The following DPYD variants were observed in gnomAD, a reference collection of about 807,000 sequenced individuals.
DPYD encodes the protein dihydropyrimidine dehydrogenase [NADP(+)].
Under a neutral mutation model 116.2 loss-of-function variants are expected in DPYD, and 109 were observed. The ratio of observed to expected loss-of-function variants is 0.94; its 90% confidence interval spans 0.80 to 1.10. DPYD has a LOEUF of 1.10. DPYD is among the 50% of genes least tolerant of loss of function. The pLI is 0.00. For missense variants in DPYD, 1,302 were observed against 1,254.5 expected (o/e 1.04, Z -0.57); for synonymous variants, 440 against 432.0 (o/e 1.02, Z -0.23).
rs138704267 is a variant in DPYD at position 97,634,665 on chromosome 1, G to A, written c.851-39499C>T. On this transcript the variant is annotated intron_variant, in intron 8 of 22. Transcript: ENST00000370192. ...GAAGATACAAAATATAACAACAGAT[G>A]TCTTATAAGCACCAAAGAATAAAAT... Among the ~76,000 whole-genome samples the A allele has an allele frequency of 3.5e-3, 530 of 152,078 alleles. 1 individual carries two copies. The highest frequency in any genetic ancestry group is 5.3e-3 in the Non-Finnish European group (360 of 67,976).
intron 8 of DPYD, among the ~76,000 whole-genome samples, chr1:97,621,858 T>C (rs1656650771): frequency 6.6e-6 from 1 of 151,804 alleles, no homozygotes; most frequent in African/African-American, 2.4e-5. Flanking sequence ...CACGCACAGA[T>C]GTAGATATAT....
chr1:97,790,135 T>C (rs1003972691), intron 3 of DPYD, among the ~76,000 whole-genome samples: 1 of 152,044 alleles, frequency 6.6e-6, no homozygotes, highest in African/African-American at 2.4e-5. Flanking sequence ...CCTCAAGAAA[T>C]CATCTGGAAT....
At chr1:97,484,114 G>A (rs1570810949) in intron 13 of DPYD, among the ~76,000 whole-genome samples, 1 of 152,278 alleles carries the variant, frequency 6.6e-6, no homozygotes, top group East Asian at 1.9e-4. Flanking sequence ...AGACCAGCCT[G>A]GCCAACATGG....
At chr1:97,505,704 A>G (rs1235757293) in intron 13 of DPYD, among the ~76,000 whole-genome samples, 1 of 151,920 alleles carries the variant, frequency 6.6e-6, no homozygotes, top group Non-Finnish European at 1.5e-5. Flanking sequence ...AATAGTATAT[A>G]TAAAAGGACA....
At chr1:97,460,963 G>A (rs1408811700) in intron 13 of DPYD, among the ~76,000 whole-genome samples, 16 of 151,844 alleles carry the variant, frequency 1.1e-4, no homozygotes, top group Admixed American at 1.1e-3. Context: ...CTTGAACCCG[G>A]GGGGTGGAGG....
intron 4 of DPYD, among the ~76,000 whole-genome samples, chr1:97,729,062 A>G (rs1257544193): frequency 6.6e-6 from 1 of 152,100 alleles, no homozygotes; most frequent in Non-Finnish European, 1.5e-5. Flanking sequence ...AATATGATTC[A>G]TTTTTAGAAC....
chr1:97,197,515 A>T (rs530435148), intron 19 of DPYD, among the ~76,000 whole-genome samples: 2 of 152,266 alleles, frequency 1.3e-5, no homozygotes, highest in Admixed American at 6.5e-5. Context: ...CTAGAAATAC[A>T]CTGCAAGGGA....
At chr1:97,323,544 T>TGTAC (rs1668505654) in intron 16 of DPYD, among the ~76,000 whole-genome samples, 1 of 113,622 alleles carries the variant, frequency 8.8e-6, no homozygotes, top group Non-Finnish European at 1.9e-5. Flanking sequence ...ACATATCATA[T>TGTAC]ATATACATAT....
At chr1:97,542,662 T>C (rs1335226614) in intron 12 of DPYD, among the ~76,000 whole-genome samples, 2 of 152,188 alleles carry the variant, frequency 1.3e-5, no homozygotes, top group Admixed American at 6.6e-5. Flanking sequence ...GTGTTAAGTA[T>C]GCTATATTGG....
chr1:97,537,736 T>C (rs767042324), intron 12 of DPYD, among the ~76,000 whole-genome samples: 1 of 152,222 alleles, frequency 6.6e-6, no homozygotes, highest in Non-Finnish European at 1.5e-5. Flanking sequence ...TGTTCAGTCA[T>C]ATGTCCAAAT....
intron 8 of DPYD, among the ~76,000 whole-genome samples, chr1:97,666,241 C>T (rs534097277): frequency 5.9e-5 from 9 of 152,078 alleles, no homozygotes; most frequent in African/African-American, 9.7e-5. Context: ...GGCACAATCA[C>T]GGCTCATTGC....
At chr1:97,636,422 C>A (rs1294101479) in intron 8 of DPYD, among the ~76,000 whole-genome samples, 1 of 151,986 alleles carries the variant, frequency 6.6e-6, no homozygotes, top group East Asian at 1.9e-4. Flanking sequence ...TTACCCTGGG[C>A]AAGTCACCCG....
intron 3 of DPYD, among the ~76,000 whole-genome samples, chr1:97,780,180 C>A (rs755357566): frequency 4.6e-5 from 7 of 152,112 alleles, no homozygotes; most frequent in Non-Finnish European, 1.0e-4. Context: ...CCTTTGTGTT[C>A]TTTTCGAATT....
At chr1:97,243,868 A>G (rs1016664435) in intron 18 of DPYD, among the ~76,000 whole-genome samples, 7 of 151,938 alleles carry the variant, frequency 4.6e-5, no homozygotes, top group Non-Finnish European at 8.8e-5. Flanking sequence ...AAAGTATCCC[A>G]GTTCAGATGA....
rs554526719 is a variant in DPYD at position 97,408,955 on chromosome 1, G to T, written c.1906-26494C>A. Among the ~76,000 whole-genome samples, 6 of 152,218 alleles carry T rather than the reference G, an allele frequency of 3.9e-5. No homozygotes were observed. In the South Asian group the frequency reaches 1.0e-3, roughly 26 times the overall value. ...TTGGGCCTTCATCCACAGACTGAAG[G>T]CTGCACTGTCAGCTTCCCTACTTTT... On this transcript the variant is annotated intron_variant, in intron 14 of 22. Transcript: ENST00000370192.
rs145955111 is a variant in DPYD at position 97,237,052 on chromosome 1, C to G, written c.2300-2058G>C. On this transcript the variant is annotated intron_variant, in intron 18 of 22. Coordinates refer to ENST00000370192, the MANE Select transcript of DPYD (RefSeq NM_000110.4). ...GCCAACAGTTTGAGACCAGCCTGGC[C>G]AACATGGTAAAACCCCGTGTCTACA... 1.4e-4 allele frequency among the ~76,000 whole-genome samples: 21 copies of G among 151,876 alleles called. No individual in the cohort carries two copies. The East Asian group carries it at 4.1e-3, about 29-fold the overall frequency.
chr1:97,156,925 T>C (rs1344218574), intron 20 of DPYD, among the ~76,000 whole-genome samples: 1 of 151,820 alleles, frequency 6.6e-6, no homozygotes, highest in Non-Finnish European at 1.5e-5. Flanking sequence ...CACCATGGAA[T>C]ACTATGCAGC....
chr1:97,274,469 A>G (rs1368752451), intron 18 of DPYD, among the ~76,000 whole-genome samples: 11 of 152,270 alleles, frequency 7.2e-5, no homozygotes, highest in African/African-American at 2.6e-4. Flanking sequence ...GGTCCTCACT[A>G]GAAGCAGATG....
intron 13 of DPYD, among the ~76,000 whole-genome samples, chr1:97,486,387 G>A (rs1429561092): frequency 6.6e-6 from 1 of 152,102 alleles, no homozygotes; most frequent in Non-Finnish European, 1.5e-5. Flanking sequence ...TTTTGTTGTT[G>A]TTGAAAGTTG....
Sources: gnomAD v4.1 joint callset for allele counts (sites outside exome capture counted in the v4.1 genomes callset) on GRCh38, gnomAD v4.1.1 for gene constraint, MANE v1.5 for transcripts, NCBI Gene and HGNC (gene_info 2026-07-23, HGNC 2026-07-21) for gene names.